The following LLGL2 variants were observed in gnomAD, a reference collection of about 807,000 sequenced individuals.
The protein encoded by LLGL2 is LLGL scribble cell polarity complex component 2, also known as LLGL2, scribble cell polarity complex component.
A neutral mutation model predicts 123.2 loss-of-function variants in LLGL2; 81 were observed. The observed-to-expected ratio is 0.66, with a 90% confidence interval of 0.55 to 0.79. The LOEUF is 0.79. Among genes scored for constraint, LLGL2 ranks in the 30% least tolerant of loss-of-function variants. The pLI is 0.00. For missense variants in LLGL2, 1,273 were observed against 1,414.6 expected, an observed-to-expected ratio of 0.90 and a Z score of 1.61; for synonymous variants, 577 against 594.1, an observed-to-expected ratio of 0.97 and a Z score of 0.42.
Position 75,525,759 on chromosome 17 carries a change from G to C in LLGL2, c.-97G>C, listed in dbSNP as rs1314726313. ...AGCCCGTGGGCAGGCGCGGCGGAGC[G>C]AGCGGGGCCGGCGGCGGGCGCCGAG... is the stretch of plus-strand genomic sequence containing the variant. On this transcript the variant is annotated 5_prime_UTR_variant, in exon 1 of 26. Transcript: ENST00000392550. This position sits in a 1 kb window ranked among gnomAD's most constrained non-coding sequence, Gnocchi z 4.8. 2.1e-5 allele frequency: 3 copies of C among 145,152 alleles called. No homozygotes were observed. The highest frequency in any genetic ancestry group is 4.6e-5 in the Non-Finnish European group (3 of 64,584). The allele number at this position is 145,152 out of a possible 1,614,324, so 9.0% of individuals were successfully genotyped here. A position where few individuals can be genotyped will look rare whatever the true frequency, so the allele number is the denominator to read the frequency against.
At chr17:75,531,357 A>G (rs1033224380) in intron 1 of LLGL2, among the ~76,000 whole-genome samples, 2 of 152,138 alleles carry the variant, frequency 1.3e-5, no homozygotes, top group African/African-American at 2.4e-5. Flanking sequence ...CCGGGGAGCT[A>G]TTCGGCCTTC....
At chr17:75,573,353 G>A in intron 20 of LLGL2, 75 bp downstream of exon 20, 1 of 1,555,170 alleles carries the variant, frequency 6.4e-7, no homozygotes, top group Non-Finnish European at 8.7e-7. Flanking sequence ...GGGGTGTTGT[G>A]GCCACGGCCA....
At position 75,564,678 on chromosome 17, in the gene LLGL2, C is replaced by A; in HGVS notation, c.1036+171C>A. 1 of 1,083,154 alleles carries A rather than the reference C, an allele frequency of 9.2e-7. No homozygotes were observed. The highest frequency in any genetic ancestry group is 1.8e-5 in the South Asian group (1 of 55,020). The allele number at this position is 1,083,154 out of a possible 1,614,324, so 67.1% of individuals were successfully genotyped here. A position where few individuals can be genotyped will look rare whatever the true frequency, so the allele number is the denominator to read the frequency against. On this transcript the variant is annotated intron_variant, in intron 10 of 25. Coordinates refer to ENST00000392550, the MANE Select transcript of LLGL2 (RefSeq NM_001031803.2). The surrounding 1 kb of genome is among the most constrained non-coding windows in gnomAD (Gnocchi z 4.9). Reference sequence around the variant, plus strand: ...AGGAGTTCAAGTCCAGCCTGGACAACGTAGGGAGACCCTTGTCTCTACAAA... The same window carrying A: ...AGGAGTTCAAGTCCAGCCTGGACAAAGTAGGGAGACCCTTGTCTCTACAAA...
chr17:75,551,864 C>T (rs1453522301), intron 2 of LLGL2, among the ~76,000 whole-genome samples: 1 of 152,182 alleles, frequency 6.6e-6, no homozygotes, highest in Non-Finnish European at 1.5e-5. Context: ...TGCGGTGGCT[C>T]ACGCCTGTAA....
Position 75,544,046 on chromosome 17 carries a change from G to A in LLGL2, c.75+545G>A, listed in dbSNP as rs906254401. 6.6e-5 allele frequency among the ~76,000 whole-genome samples: 10 copies of A among 152,256 alleles called. No homozygotes were observed. The South Asian group carries it at 8.3e-4, about 13-fold the overall frequency. On this transcript the variant is annotated intron_variant, in intron 2 of 25. Transcript: ENST00000392550. This position sits in a 1 kb window ranked among gnomAD's most constrained non-coding sequence, Gnocchi z 4.2. ...GGAGAGGTGCCCAGGAGAATGAGCC[G>A]GAGTTGGCCTCGGACTACCCCAATC...
intron 6 of LLGL2, among the ~76,000 whole-genome samples, chr17:75,560,520 C>G (rs2055153453): frequency 6.6e-6 from 1 of 152,016 alleles, no homozygotes; most frequent in African/African-American, 2.4e-5. Flanking sequence ...GAGTTTCACT[C>G]TTGTTCCCCA....
chr17:75,563,967 C>T (rs373902704), intron 9 of LLGL2, among the ~76,000 whole-genome samples, 161 bp downstream of exon 9: 1 of 152,234 alleles, frequency 6.6e-6, no homozygotes, highest in African/African-American at 2.4e-5. Context: ...ACGCTATTCA[C>T]GTCTCTCAGC....
chr17:75,553,377 G>C (rs1342816948), intron 2 of LLGL2, among the ~76,000 whole-genome samples: 2 of 152,152 alleles, frequency 1.3e-5, no homozygotes, highest in African/African-American at 4.8e-5. Context: ...GCACTTGTTG[G>C]AGCTCTCCTC....
chr17:75,555,481 G>A (rs2054868378), intron 2 of LLGL2, among the ~76,000 whole-genome samples: 1 of 152,050 alleles, frequency 6.6e-6, no homozygotes, highest in Admixed American at 6.6e-5. Context: ...CGACACTCCA[G>A]GAATTCCCTT....
chr17:75,556,691 A>G (rs1321191016), intron 3 of LLGL2, among the ~76,000 whole-genome samples: 1 of 152,148 alleles, frequency 6.6e-6, no homozygotes, highest in Non-Finnish European at 1.5e-5. Flanking sequence ...TGCCTCCCTC[A>G]GCTCCCCACC....
At chr17:75,568,937 T>C in intron 12 of LLGL2, 41 bp from the exon 13 acceptor site, 1 of 1,591,938 alleles carries the variant, frequency 6.3e-7, no homozygotes, top group Non-Finnish European at 8.6e-7. Context: ...GCATCCCGGC[T>C]GGCATCCCTC....
chr17:75,536,445 A>T (rs977525294), intron 1 of LLGL2, among the ~76,000 whole-genome samples: 8 of 152,218 alleles, frequency 5.3e-5, no homozygotes, highest in Admixed American at 4.6e-4. Flanking sequence ...AAGGTTGCAC[A>T]GCTAGTCCCA....
chr17:75,545,512 G>C (rs1316832116), intron 2 of LLGL2, among the ~76,000 whole-genome samples: 1 of 152,112 alleles, frequency 6.6e-6, no homozygotes, highest in African/African-American at 2.4e-5. Context: ...ATCCGGCTCG[G>C]GGAGTGTGGT....
At chr17:75,545,690 T>C (rs2054392224) in intron 2 of LLGL2, among the ~76,000 whole-genome samples, 4 of 152,228 alleles carry the variant, frequency 2.6e-5, no homozygotes, top group Admixed American at 2.0e-4. Context: ...TGAATAGTGG[T>C]CCCATTTACA....
intron 1 of LLGL2, among the ~76,000 whole-genome samples, chr17:75,540,989 A>G (rs897277188): frequency 3.3e-5 from 5 of 152,160 alleles, no homozygotes; most frequent in African/African-American, 1.2e-4. Context: ...CTTGAGCAAA[A>G]TGTTTTAAAT....
In LLGL2 at chr17:75,569,016, G is replaced by A. The variant is rs1312328629; in HGVS notation, c.1361G>A (p.Gly454Asp). Residue 454 changes from glycine (G) to aspartate (D), a missense_variant, in exon 13 of 26, where the codon GGT becomes GAT. Physicochemically the swap from Gly to Asp is moderately conservative, Grantham distance 94. Coordinates refer to ENST00000392550, the MANE Select transcript of LLGL2 (RefSeq NM_001031803.2). ...ACGGTGCGGTTCTGGGATGCCTCGG[G>A]TGTCTGCCTGCGGCTGCTCTACAAA... ...DGTVRFWDAS[G>D]VCLRLLYKLS... is the part of the protein sequence containing the mutation. 1 of 1,613,328 alleles carries A rather than the reference G, an allele frequency of 6.2e-7. No homozygotes were observed. Among genetic ancestry groups the A allele is most frequent in the Non-Finnish European group, 8.5e-7 (1 of 1,179,814 alleles).
At position 75,563,122 on chromosome 17, in the gene LLGL2, G is replaced by C. The variant is rs754737971; in HGVS notation, c.637G>C (p.Val213Leu). The change falls in exon 7 of 26, where the codon GTT (valine) becomes CTT (leucine). Residue 213 changes from valine to leucine, a missense_variant. Val to Leu is a conservative substitution (Grantham distance 32, BLOSUM62 1). Transcript: ENST00000392550. The stretch of plus-strand genomic sequence containing the variant: ...CCTGATCGGCTACAGCCGAGGCCTC[G>C]TTGTCATCTGGGACCTACAGGGCAG... ...QILIGYSRGLVVIWDLQGSRV... is the reference protein window; with the variant it reads ...QILIGYSRGLLVIWDLQGSRV... 2 of 1,613,150 alleles carry C rather than the reference G, an allele frequency of 1.2e-6. No homozygotes were observed. The highest frequency in any genetic ancestry group is 1.7e-6 in the Non-Finnish European group (2 of 1,180,016).
chr17:75,574,315 G>T, intron 23 of LLGL2, 55 bp downstream of exon 23: 1 of 1,521,840 alleles, frequency 6.6e-7, no homozygotes, highest in South Asian at 1.2e-5. Context: ...AGGGGGGTCA[G>T]GGTCAAGGGA....
At chr17:75,547,916 A>G (rs887110217) in intron 2 of LLGL2, among the ~76,000 whole-genome samples, 3 of 152,042 alleles carry the variant, frequency 2.0e-5, no homozygotes, top group African/African-American at 7.2e-5. Flanking sequence ...TTGTCTTGTT[A>G]TGCAGAGAAG....
Sources: gnomAD v4.1 joint callset for allele counts (sites outside exome capture counted in the v4.1 genomes callset) on GRCh38, gnomAD v4.1.1 for gene constraint, Gnocchi (gnomAD v3.1) non-coding constraint, MANE v1.5 for transcripts, NCBI Gene and HGNC (gene_info 2026-07-23, HGNC 2026-07-21) for gene names.